The following TRIO variants were observed in gnomAD, a reference collection of about 807,000 sequenced individuals.
TRIO encodes the protein triple functional domain protein.
In TRIO, 58 loss-of-function variants were observed where a neutral mutation model predicts 351.9. The ratio of observed to expected loss-of-function variants is 0.16; its 90% CI spans 0.13 to 0.21. The LOEUF (loss-of-function observed/expected upper bound fraction) is 0.21. Ranked by LOEUF, TRIO falls within the 10% of genes least tolerant of loss-of-function variation. The pLI is 1.00. For synonymous variants in TRIO, 1,758 were observed against 1,595.7 expected (o/e 1.10, Z -2.42); for missense variants, 3,201 against 4,027.8 (o/e 0.79, Z 5.56).
intron 34 of TRIO, among the ~76,000 whole-genome samples, chr5:14,456,646 G>A (rs567332146): frequency 2.0e-4 from 30 of 152,336 alleles, no homozygotes; most frequent in Admixed American, 1.6e-3. Context: ...AAAGGCAACT[G>A]TGTGCACAAA....
chr5:14,281,424 A>ACCCCCCCCCCCCCCCCC (rs3061076), intron 3 of TRIO, among the ~76,000 whole-genome samples: 2 of 89,336 alleles, frequency 2.2e-5, no homozygotes, highest in Admixed American at 1.2e-4. Flanking sequence ...AGCCGTTAGA[A>ACCCCCCCCCCCCCCCCC]CCCCCCCCCC....
At chr5:14,320,427 G>A (rs977689166) in intron 9 of TRIO, among the ~76,000 whole-genome samples, 2 of 152,086 alleles carry the variant, frequency 1.3e-5, no homozygotes, top group African/African-American at 4.8e-5. Context: ...GGCCCCATGT[G>A]TTTGCTTTCC....
Position 14,479,945 on chromosome 5 carries a change from G to C in TRIO, c.6270G>C (p.Arg2090Ser). ...FEDLKQRLGH[R>S]LQLTDLLIKP... is the part of the protein sequence containing the mutation. ...ACTTAAAGCAGCGTCTTGGCCACAG[G>C]TTACAGCTCACAGATCTGTTGATCA... The change falls in exon 43 of 57, where the codon AGG becomes AGC. Residue 2090 changes from arginine to serine, a missense_variant. Arg to Ser is a moderately radical substitution (Grantham distance 110). This residue lies in a region of TRIO where 307 missense variants were observed against 396.5 expected (regional missense o/e 0.77). Coordinates refer to ENST00000344204, the MANE Select transcript of TRIO (RefSeq NM_007118.4). 6.2e-7 allele frequency: 1 copy of C among 1,614,022 alleles called. No homozygotes were observed. The highest frequency in any genetic ancestry group is 8.5e-7 in the Non-Finnish European group (1 of 1,179,942).
intron 9 of TRIO, among the ~76,000 whole-genome samples, chr5:14,327,648 A>G (rs1740503964): frequency 6.6e-6 from 1 of 152,166 alleles, no homozygotes; most frequent in Admixed American, 6.5e-5. Flanking sequence ...AAGTTAAGTA[A>G]TATACCGAAT....
At chr5:14,421,309 T>A (rs1443413120) in intron 34 of TRIO, among the ~76,000 whole-genome samples, 1 of 148,376 alleles carries the variant, frequency 6.7e-6, no homozygotes, top group Non-Finnish European at 1.5e-5. Flanking sequence ...AGGAAACTCA[T>A]AAGATTGTTC....
At position 14,508,610 on chromosome 5, in the gene TRIO, C is replaced by G; in HGVS notation, c.*188C>G. 1.5e-6 allele frequency: 1 copy of G among 673,414 alleles called. No individual in the cohort carries two copies. Among genetic ancestry groups the G allele is most frequent in the South Asian group, 2.1e-5 (1 of 47,588 alleles). 41.7% of individuals were successfully genotyped at this position (673,414 alleles called of 1,614,324 possible). A position where few individuals can be genotyped will look rare whatever the true frequency, so the allele number is the denominator to read the frequency against. On this transcript the variant is annotated 3_prime_UTR_variant, in exon 57 of 57. Coordinates refer to ENST00000344204, the MANE Select transcript of TRIO (RefSeq NM_007118.4). ...TGCAAGCTGCGCTGGGGTGGAGGACCGTCACTTACACTCTGCCCAAGGCAG... is the reference window on the plus strand; with the variant it reads ...TGCAAGCTGCGCTGGGGTGGAGGACGGTCACTTACACTCTGCCCAAGGCAG...
At chr5:14,397,281 A>G (rs1747688583) in intron 29 of TRIO, 127 bp downstream of exon 29, 2 of 720,002 alleles carry the variant, frequency 2.8e-6, no homozygotes. Flanking sequence ...AACATTTCTT[A>G]AAGAATCAGT....
chr5:14,246,089 C>T (rs1272506407), intron 1 of TRIO, among the ~76,000 whole-genome samples: 1 of 152,150 alleles, frequency 6.6e-6, no homozygotes, highest in African/African-American at 2.4e-5. Context: ...ATTTTACTTC[C>T]CCTCTCACCT....
At chr5:14,241,243 A>G (rs533121192) in intron 1 of TRIO, among the ~76,000 whole-genome samples, 7 of 152,326 alleles carry the variant, frequency 4.6e-5, no homozygotes, top group Admixed American at 2.0e-4. Flanking sequence ...CCTTCCTCAT[A>G]TATATTCAAA....
At chr5:14,430,306 C>G (rs114978390) in intron 34 of TRIO, among the ~76,000 whole-genome samples, 160 of 149,394 alleles carry the variant, frequency 1.1e-3, no homozygotes, top group African/African-American at 3.7e-3. Context: ...TGTGACCTGT[C>G]TGGGAGGTGA....
At chr5:14,168,443 G>C (rs1472704093) in intron 1 of TRIO, among the ~76,000 whole-genome samples, 2 of 152,226 alleles carry the variant, frequency 1.3e-5, no homozygotes, top group Non-Finnish European at 1.5e-5. Context: ...AAGTGGATCT[G>C]GCTATTGGCC....
intron 33 of TRIO, among the ~76,000 whole-genome samples, chr5:14,410,680 G>A (rs568739508): frequency 5.8e-4 from 89 of 152,300 alleles, no homozygotes; most frequent in African/African-American, 2.0e-3. Flanking sequence ...GGATGTTTTT[G>A]ACTCGGCCTC....
At chr5:14,348,822 C>A (rs1243807734) in intron 11 of TRIO, among the ~76,000 whole-genome samples, 1 of 85,894 alleles carries the variant, frequency 1.2e-5, no homozygotes, top group African/African-American at 4.8e-5. Flanking sequence ...GTTTTTCCTG[C>A]GTGTTTATGT....
At chr5:14,477,147 C>A in intron 41 of TRIO, 184 bp downstream of exon 41, 2 of 567,330 alleles carry the variant, frequency 3.5e-6, no homozygotes, top group Non-Finnish European at 6.1e-6. Flanking sequence ...ACCTGCTTTC[C>A]CAGTCACCTG....
chr5:14,483,129 GTCT>G (rs1026171869), intron 46 of TRIO, among the ~76,000 whole-genome samples: 3 of 152,302 alleles, frequency 2.0e-5, no homozygotes, highest in East Asian at 3.9e-4. Context: ...TTCACTCGGT[GTCT>G]TCTTCTCTTC....
rs928482161 is a variant in TRIO at position 14,287,139 on chromosome 5, AT to A, written c.540+86del. The A allele has an allele frequency of 4.7e-3, 6,329 of 1,346,152 alleles. 1 individual carries two copies. The highest frequency in any genetic ancestry group is 7.0e-3 in the South Asian group (462 of 66,336). The allele number at this position is 1,346,152 out of a possible 1,614,324, so 83.4% of individuals were successfully genotyped here. A position where few individuals can be genotyped will look rare whatever the true frequency, so the allele number is the denominator to read the frequency against. On this transcript the variant is annotated intron_variant, in intron 4 of 56. Transcript: ENST00000344204. ...TAAAAGCTATTGAGGCTAATGAGAG[AT>A]TTTTTTTTTAAACCACATATTAAAC...
At chr5:14,353,409 T>TGTGC (rs904060498) in intron 11 of TRIO, among the ~76,000 whole-genome samples, 3 of 151,872 alleles carry the variant, frequency 2.0e-5, no homozygotes, top group Non-Finnish European at 2.9e-5. Flanking sequence ...ACTACATGTG[T>TGTGC]GTGCCACCAC....
At chr5:14,319,632 G>A (rs766649871) in intron 9 of TRIO, among the ~76,000 whole-genome samples, 13 of 152,214 alleles carry the variant, frequency 8.5e-5, no homozygotes, top group South Asian at 2.1e-4. Context: ...TTTGAGTGAT[G>A]CAAAAGCACC....
chr5:14,321,351 A>G (rs1454600807), intron 9 of TRIO, among the ~76,000 whole-genome samples: 2 of 152,364 alleles, frequency 1.3e-5, no homozygotes, highest in Admixed American at 1.3e-4. Context: ...AGGCACAGAA[A>G]ACGTGGCCCC....
Sources: allele counts gnomAD v4.1 joint callset (sites outside exome capture counted in the v4.1 genomes callset), GRCh38; gene constraint gnomAD v4.1.1; regional missense constraint gnomAD v4.1.1; transcripts MANE v1.5; gene names NCBI Gene and HGNC (gene_info 2026-07-23, HGNC 2026-07-21).